TRPM3: variants seen among roughly 807,000 people sequenced by gnomAD.
TRPM3 encodes the protein long transient receptor potential channel 3.
TRPM3 carries 77 observed loss-of-function variants against 181.2 expected under a neutral mutation model. That is an observed-to-expected ratio of 0.42 (90% CI 0.35 to 0.51). The LOEUF (loss-of-function observed/expected upper bound fraction) is 0.51. TRPM3 is among the 20% of genes least tolerant of loss of function. The pLI is 0.01. For synonymous variants in TRPM3, 745 were observed against 796.4 expected, an observed-to-expected ratio of 0.94 and a Z score of 1.09; for missense variants, 1,759 against 2,196.7, an observed-to-expected ratio of 0.80 and a Z score of 3.98.
intron 6 of TRPM3, among the ~76,000 whole-genome samples, chr9:70,791,366 T>C (rs2085362523): frequency 1.3e-5 from 2 of 152,240 alleles, no homozygotes; most frequent in African/African-American, 4.8e-5. Context: ...CTTATGGTTC[T>C]CTAGACAGAA....
intron 1 of TRPM3, among the ~76,000 whole-genome samples, chr9:71,079,008 G>A (rs1191231263): frequency 6.8e-6 from 1 of 148,146 alleles, no homozygotes; most frequent in Non-Finnish European, 1.5e-5. Context: ...CAGTTGAATA[G>A]AATGAGCACT....
At chr9:71,429,154 C>T (rs2093919337) in intron 1 of TRPM3, among the ~76,000 whole-genome samples, 2 of 152,138 alleles carry the variant, frequency 1.3e-5, no homozygotes, top group African/African-American at 4.8e-5. Flanking sequence ...TCCCAACTAC[C>T]TTTCATATTC....
intron 20 of TRPM3, among the ~76,000 whole-genome samples, chr9:70,602,106 CTT>C (rs6151027): frequency 3.6e-4 from 46 of 128,122 alleles, no homozygotes; most frequent in Admixed American, 2.5e-4. Context: ...CAAGGCATTC[CTT>C]TTTTTTTTTT....
intron 1 of TRPM3, among the ~76,000 whole-genome samples, chr9:71,198,303 T>C (rs948793411): frequency 9.9e-5 from 15 of 151,782 alleles, no homozygotes; most frequent in African/African-American, 2.9e-4. Context: ...AGTCAGGTAG[T>C]GTGATGCCTC....
intron 1 of TRPM3, among the ~76,000 whole-genome samples, chr9:71,212,612 A>C (rs183466504): frequency 3.3e-5 from 5 of 152,318 alleles, no homozygotes; most frequent in Admixed American, 2.6e-4. Flanking sequence ...AAGAAGGTGC[A>C]TGGCTGACAC....
At chr9:70,666,209 G>A (rs941902422) in intron 9 of TRPM3, among the ~76,000 whole-genome samples, 19 of 152,222 alleles carry the variant, frequency 1.2e-4, no homozygotes, top group African/African-American at 4.6e-4. Flanking sequence ...GCAGTTCCAG[G>A]CAGAAGCCTT....
intron 1 of TRPM3, among the ~76,000 whole-genome samples, chr9:70,940,446 A>G (rs888429403): frequency 6.6e-6 from 1 of 152,184 alleles, no homozygotes; most frequent in Non-Finnish European, 1.5e-5. Context: ...GGCTCTTTCA[A>G]TTTCTTGCTC....
chr9:71,173,585 T>G (rs1436198515), intron 1 of TRPM3, among the ~76,000 whole-genome samples: 1 of 152,236 alleles, frequency 6.6e-6, no homozygotes, highest in Non-Finnish European at 1.5e-5. Context: ...AACCAAGATC[T>G]ATGGCTGTGT....
At chr9:70,923,969 T>TAC (rs1209601468) in intron 1 of TRPM3, among the ~76,000 whole-genome samples, 3 of 151,578 alleles carry the variant, frequency 2.0e-5, no homozygotes, top group East Asian at 1.9e-4. Context: ...CATATATATA[T>TAC]ACACACAATC....
At chr9:71,250,794 T>C (rs1018209419) in intron 1 of TRPM3, among the ~76,000 whole-genome samples, 8 of 151,936 alleles carry the variant, frequency 5.3e-5, no homozygotes, top group East Asian at 3.9e-4. Context: ...CTAAGATTCA[T>C]TGGGGGAGGG....
intron 1 of TRPM3, among the ~76,000 whole-genome samples, chr9:71,398,292 A>T (rs964232388): frequency 5.9e-5 from 9 of 152,208 alleles, no homozygotes; most frequent in African/African-American, 2.2e-4. Context: ...CAACTTTTTA[A>T]GTTTGTCTTC....
chr9:71,086,391 C>T (rs1391788050), intron 1 of TRPM3, among the ~76,000 whole-genome samples: 1 of 151,720 alleles, frequency 6.6e-6, no homozygotes. Flanking sequence ...ATTTTTTCTC[C>T]TCTTCTCAGC....
At chr9:70,591,290 C>A in intron 21 of TRPM3, 85 bp from the exon 22 acceptor site, 3 of 1,206,084 alleles carry the variant, frequency 2.5e-6, no homozygotes, top group Non-Finnish European at 3.6e-6. Flanking sequence ...TGATGGGAAC[C>A]TTTGGAGGAG....
chr9:71,421,062 C>T lies in TRPM3; in HGVS notation c.183+25591G>A, dbSNP rs187602554. Among the ~76,000 whole-genome samples the T allele has an allele frequency of 2.7e-5, 4 of 149,196 alleles. No individual in the cohort carries two copies. In the East Asian group the frequency reaches 7.9e-4, roughly 29 times the overall value. The stretch of plus-strand genomic sequence containing the variant: ...GAGAACGAACTCACGTCCTTTGCAG[C>T]AACATGGACACAGCTGGAGGCCATT... On this transcript the variant is annotated intron_variant, in intron 1 of 24. Transcript: ENST00000357533.
intron 1 of TRPM3, among the ~76,000 whole-genome samples, chr9:71,017,998 G>C (rs1452115658): frequency 6.6e-6 from 1 of 151,756 alleles, no homozygotes; most frequent in Non-Finnish European, 1.5e-5. Flanking sequence ...AGAGTAACTA[G>C]CAAGGACTTC....
chr9:71,079,895 G>A (rs1055357654), intron 1 of TRPM3, among the ~76,000 whole-genome samples: 7 of 152,172 alleles, frequency 4.6e-5, no homozygotes, highest in Non-Finnish European at 1.0e-4. Flanking sequence ...TTTGAGCCAG[G>A]CATGGTGGCA....
chr9:71,300,727 T>A (rs1454195422), intron 1 of TRPM3, among the ~76,000 whole-genome samples: 1 of 152,144 alleles, frequency 6.6e-6, no homozygotes, highest in Admixed American at 6.5e-5. Flanking sequence ...TTGCCAGTTC[T>A]TTTTTTCTTA....
chr9:71,389,780 C>G (rs999846853), intron 1 of TRPM3, among the ~76,000 whole-genome samples: 1 of 151,942 alleles, frequency 6.6e-6, no homozygotes, highest in African/African-American at 2.4e-5. Flanking sequence ...GGGAGCTAAG[C>G]TATGAGGATG....
intron 1 of TRPM3, among the ~76,000 whole-genome samples, chr9:71,372,068 G>T (rs951198579): frequency 6.6e-6 from 1 of 152,190 alleles, no homozygotes. Flanking sequence ...ATATGTGAGA[G>T]TATGTGGCAT....
Sources: allele counts gnomAD v4.1 joint callset (sites outside exome capture counted in the v4.1 genomes callset), GRCh38; gene constraint gnomAD v4.1.1; transcripts MANE v1.5; gene names NCBI Gene and HGNC (gene_info 2026-07-23, HGNC 2026-07-21).